Variants in CNTN4 observed in about 807,000 individuals in gnomAD.
CNTN4 encodes contactin 4.
CNTN4 carries 77 observed loss-of-function variants against 122.5 expected under a neutral mutation model. That is an observed-to-expected ratio of 0.63 (90% CI 0.52 to 0.76). The LOEUF (loss-of-function observed/expected upper bound fraction) is 0.76, where lower values mean the gene tolerates loss of function less well. CNTN4 is among the 30% of genes least tolerant of loss of function. The probability of loss-of-function intolerance (pLI) is 0.00; values close to 1 mark genes in which losing one functional copy is unlikely to be tolerated. For synonymous variants in CNTN4, 512 were observed against 447.0 expected, an observed-to-expected ratio of 1.15 and a Z score of -1.83; for missense variants, 1,256 against 1,259.1, an observed-to-expected ratio of 1.00 and a Z score of 0.04.
chr3:2,370,004 C>G (rs1021119446), intron 3 of CNTN4, among the ~76,000 whole-genome samples: 2 of 152,162 alleles, frequency 1.3e-5, no homozygotes, highest in African/African-American at 4.8e-5. Flanking sequence ...CCTCTGAACT[C>G]ATTGATAGTG....
intron 4 of CNTN4, among the ~76,000 whole-genome samples, chr3:2,649,250 A>G (rs892375949): frequency 1.3e-5 from 2 of 152,250 alleles, no homozygotes; most frequent in African/African-American, 4.8e-5. Context: ...AAATGTAGAT[A>G]AACAGCCTTA....
At chr3:2,577,806 C>T (rs763891664) in intron 4 of CNTN4, among the ~76,000 whole-genome samples, 44 of 152,188 alleles carry the variant, frequency 2.9e-4, no homozygotes, top group Non-Finnish European at 3.4e-4. Context: ...TTAAAACTCT[C>T]TGTGAATGAG....
intron 2 of CNTN4, among the ~76,000 whole-genome samples, chr3:2,172,288 A>G (rs1370082363): frequency 1.3e-5 from 2 of 152,132 alleles, no homozygotes; most frequent in Non-Finnish European, 2.9e-5. Context: ...ATTCTAAATG[A>G]AGTAACTCAG....
At chr3:2,773,741 C>T (rs556740526) in intron 6 of CNTN4, among the ~76,000 whole-genome samples, 15 of 149,674 alleles carry the variant, frequency 1.0e-4, no homozygotes, top group Non-Finnish European at 1.6e-4. Flanking sequence ...AATAATGAAG[C>T]CTTCATCTCA....
At chr3:2,843,461 C>T (rs747980198) in intron 7 of CNTN4, among the ~76,000 whole-genome samples, 1 of 152,074 alleles carries the variant, frequency 6.6e-6, no homozygotes, top group South Asian at 2.1e-4. Flanking sequence ...TACATAAAAG[C>T]CAGGGTGATA....
chr3:2,294,552 G>T (rs2042239352), intron 2 of CNTN4, among the ~76,000 whole-genome samples: 2 of 152,256 alleles, frequency 1.3e-5, no homozygotes, highest in African/African-American at 4.8e-5. Flanking sequence ...GATCGCTTGA[G>T]CCTGGGAGGC....
At chr3:2,216,568 C>G (rs778230487) in intron 2 of CNTN4, among the ~76,000 whole-genome samples, 2 of 152,018 alleles carry the variant, frequency 1.3e-5, no homozygotes, top group Non-Finnish European at 2.9e-5. Flanking sequence ...GCAAAACAAA[C>G]ATGAATCAAC....
At chr3:2,463,018 C>T (rs890119217) in intron 3 of CNTN4, among the ~76,000 whole-genome samples, 2 of 151,834 alleles carry the variant, frequency 1.3e-5, no homozygotes, top group Non-Finnish European at 2.9e-5. Context: ...TGAGACTTAC[C>T]ATATTTGAGA....
intron 6 of CNTN4, among the ~76,000 whole-genome samples, chr3:2,816,615 G>C (rs984261805): frequency 6.6e-6 from 1 of 151,462 alleles, no homozygotes; most frequent in East Asian, 2.0e-4. Context: ...GAAGTCAAGA[G>C]ATCGAGACTA....
At chr3:2,931,106 A>G (rs1378326402) in intron 13 of CNTN4, among the ~76,000 whole-genome samples, 1 of 152,200 alleles carries the variant, frequency 6.6e-6, no homozygotes, top group African/African-American at 2.4e-5. Flanking sequence ...TGCAACATGC[A>G]GAAGGAATCA....
intron 14 of CNTN4, among the ~76,000 whole-genome samples, chr3:3,012,744 A>G (rs368341475): frequency 1.3e-5 from 2 of 152,216 alleles, no homozygotes; most frequent in East Asian, 1.9e-4. Context: ...GGAGGCGGGC[A>G]GATCACCTGA....
intron 17 of CNTN4, among the ~76,000 whole-genome samples, chr3:3,036,542 C>T (rs768032248): frequency 2.7e-4 from 41 of 152,020 alleles, no homozygotes; most frequent in Middle Eastern, 3.4e-3. Flanking sequence ...GCGGGTGGAT[C>T]GCTTGAGCCC....
intron 3 of CNTN4, among the ~76,000 whole-genome samples, chr3:2,520,226 T>G (rs1350234547): frequency 1.3e-5 from 2 of 150,486 alleles, no homozygotes; most frequent in Non-Finnish European, 3.0e-5. Flanking sequence ...TGATTTACAT[T>G]ACCATAGAAA....
intron 3 of CNTN4, among the ~76,000 whole-genome samples, chr3:2,457,389 A>C (rs951968872): frequency 1.3e-5 from 2 of 152,206 alleles, no homozygotes; most frequent in African/African-American, 4.8e-5. Context: ...AAACAACAAA[A>C]AACAAGCCCC....
chr3:2,433,696 A>G (rs564699146), intron 3 of CNTN4, among the ~76,000 whole-genome samples: 1 of 152,268 alleles, frequency 6.6e-6, no homozygotes, highest in Non-Finnish European at 1.5e-5. Context: ...ATCTTTGCCC[A>G]GACCAATGTT....
chr3:2,382,947 C>A (rs762913620), intron 3 of CNTN4, among the ~76,000 whole-genome samples: 2 of 151,860 alleles, frequency 1.3e-5, no homozygotes, highest in African/African-American at 2.4e-5. Flanking sequence ...TGGTGGCAGG[C>A]GCCTGTAATT....
At chr3:2,916,815 C>A (rs569688544) in intron 12 of CNTN4, among the ~76,000 whole-genome samples, 1 of 150,596 alleles carries the variant, frequency 6.6e-6, no homozygotes, top group African/African-American at 2.5e-5. Context: ...ACGGGGCCGC[C>A]GGGTGGAGAC....
chr3:2,890,421 CTG>C (rs1360885421), intron 10 of CNTN4, among the ~76,000 whole-genome samples: 1 of 152,156 alleles, frequency 6.6e-6, no homozygotes, highest in African/African-American at 2.4e-5. Context: ...CATGAACATT[CTG>C]TCTTTGTTGA....
intron 2 of CNTN4, among the ~76,000 whole-genome samples, chr3:2,223,723 C>A (rs1283409113): frequency 6.6e-6 from 1 of 152,156 alleles, no homozygotes; most frequent in Non-Finnish European, 1.5e-5. Context: ...GTGGTTTATG[C>A]TGCATGCCTG....
Sources: gnomAD v4.1 joint callset for allele counts (sites outside exome capture counted in the v4.1 genomes callset) on GRCh38, gnomAD v4.1.1 for gene constraint, MANE v1.5 for transcripts, NCBI Gene and HGNC (gene_info 2026-07-23, HGNC 2026-07-21) for gene names.